TMEM161B: variants seen among roughly 807,000 people sequenced by gnomAD.
TMEM161B encodes transmembrane protein 161B.
In TMEM161B, 34 loss-of-function variants were observed where a neutral mutation model predicts 61.8. That is an observed-to-expected ratio of 0.55 (90% confidence interval 0.42 to 0.73). TMEM161B has a LOEUF of 0.73. TMEM161B is among the 30% of genes least tolerant of loss of function. The pLI is 0.00. For missense variants in TMEM161B, 456 were observed against 558.5 expected, an observed-to-expected ratio of 0.82 and a Z score of 1.85; for synonymous variants, 167 against 192.8, an observed-to-expected ratio of 0.87 and a Z score of 1.11.
At chr5:88,217,878 C>A (rs1748187922) in intron 5 of TMEM161B, among the ~76,000 whole-genome samples, 1 of 142,636 alleles carries the variant, frequency 7.0e-6, no homozygotes. Flanking sequence ...CAAACACAAG[C>A]AACTCAGAGT....
chr5:88,208,406 C>T (rs879290910), intron 5 of TMEM161B, among the ~76,000 whole-genome samples: 2 of 151,822 alleles, frequency 1.3e-5, no homozygotes, highest in Admixed American at 6.6e-5. Context: ...GGCGTGAACC[C>T]GGGAGGCGGA....
intron 5 of TMEM161B, among the ~76,000 whole-genome samples, chr5:88,219,282 C>T (rs945761711): frequency 6.6e-6 from 1 of 152,122 alleles, no homozygotes; most frequent in African/African-American, 2.4e-5. Flanking sequence ...TAACTGCCAG[C>T]CCAAAGATAC....
At chr5:88,242,188 T>C (rs1290657978) in intron 1 of TMEM161B, among the ~76,000 whole-genome samples, 1 of 151,728 alleles carries the variant, frequency 6.6e-6, no homozygotes, top group Admixed American at 6.6e-5. Flanking sequence ...TCAAGACTTG[T>C]TCTCACTGTT....
chr5:88,215,253 C>G (rs1355137097), intron 5 of TMEM161B, among the ~76,000 whole-genome samples: 1 of 152,066 alleles, frequency 6.6e-6, no homozygotes, highest in Non-Finnish European at 1.5e-5. Context: ...AATGCAGACA[C>G]GTGTTTGACT....
At chr5:88,266,372 G>A (rs140554292) in intron 1 of TMEM161B, among the ~76,000 whole-genome samples, 1,970 of 152,178 alleles carry the variant, frequency 0.013, 39 homozygotes, top group Middle Eastern at 0.027. Context: ...ATGAAAAAGA[G>A]AATGATAAAA....
intron 2 of TMEM161B, among the ~76,000 whole-genome samples, chr5:88,236,224 G>A (rs1447647062): frequency 6.6e-6 from 1 of 152,078 alleles, no homozygotes; most frequent in Admixed American, 6.6e-5. Flanking sequence ...TTCAGTGAGG[G>A]ACTTATGAAG....
chr5:88,259,859 G>T (rs556038837), intron 1 of TMEM161B, among the ~76,000 whole-genome samples: 78 of 152,230 alleles, frequency 5.1e-4, no homozygotes, highest in Non-Finnish European at 1.0e-3. Flanking sequence ...ACACTAGATT[G>T]AACTTGTGAA....
intron 2 of TMEM161B, among the ~76,000 whole-genome samples, chr5:88,230,051 G>C (rs956485338): frequency 3.3e-5 from 5 of 151,966 alleles, no homozygotes; most frequent in African/African-American, 1.2e-4. Flanking sequence ...AACTAGCCAG[G>C]TCTGGTGGCA....
chr5:88,227,128 C>T (rs1275508071), intron 3 of TMEM161B, among the ~76,000 whole-genome samples: 1 of 152,112 alleles, frequency 6.6e-6, no homozygotes, highest in Non-Finnish European at 1.5e-5. Context: ...AGGTTGAAGC[C>T]ACAGTGAGCC....
chr5:88,264,344 T>C (rs1197304607), intron 1 of TMEM161B, among the ~76,000 whole-genome samples: 6 of 152,096 alleles, frequency 3.9e-5, no homozygotes, highest in Non-Finnish European at 5.9e-5. Flanking sequence ...CTCATCGTCA[T>C]TGGTCATTAG....
Position 88,195,742 on chromosome 5 carries a change from A to G in TMEM161B, c.*469T>C, listed in dbSNP as rs981583572. 2 of 987,030 alleles carry G rather than the reference A, an allele frequency of 2.0e-6. No individual in the cohort carries two copies. The highest frequency in any genetic ancestry group is 3.5e-5 in the African/African-American group (2 of 57,238). The allele number at this position is 987,030 out of a possible 1,614,324, so 61.1% of individuals were successfully genotyped here. A position where few individuals can be genotyped will look rare whatever the true frequency, so the allele number is the denominator to read the frequency against. ...GTTGGATTTTATTGTTTCAAGAGTA[A>G]CTAATAAATTACCAACAGAAGAGAC... On this transcript the variant is annotated 3_prime_UTR_variant, in exon 12 of 12. Coordinates refer to ENST00000296595, the MANE Select transcript of TMEM161B (RefSeq NM_153354.5).
At chr5:88,194,174 G>A (rs1749275649), downstream of TMEM161B, among the ~76,000 whole-genome samples, 1 of 152,006 alleles carries the variant, frequency 6.6e-6, no homozygotes, top group Admixed American at 6.6e-5. Flanking sequence ...AATCCCTAGT[G>A]TCTACTGTTT....
intron 2 of TMEM161B, among the ~76,000 whole-genome samples, chr5:88,232,820 C>T (rs1298132169): frequency 3.9e-5 from 6 of 152,180 alleles, no homozygotes; most frequent in Admixed American, 6.5e-5. Context: ...ATGATCTGCC[C>T]GCCTTGGCTT....
At chr5:88,190,970 A>C (rs115512170), downstream of TMEM161B, among the ~76,000 whole-genome samples, 6,306 of 152,258 alleles carry the variant, frequency 0.041, 224 homozygotes, top group South Asian at 0.085. Context: ...TTTTAACCTC[A>C]TTTATCCTTT....
At chr5:88,250,173 G>GAGAGAGAGAA (rs531008944) in intron 1 of TMEM161B, among the ~76,000 whole-genome samples, 5 of 151,902 alleles carry the variant, frequency 3.3e-5, no homozygotes, top group African/African-American at 1.2e-4. Context: ...AGTTTGCACA[G>GAGAGAGAGAA]AGAGAGAGAA....
chr5:88,217,432 T>C (rs1055360758), intron 5 of TMEM161B, among the ~76,000 whole-genome samples: 19 of 152,058 alleles, frequency 1.2e-4, no homozygotes, highest in African/African-American at 4.3e-4. Flanking sequence ...GGAACCTCAA[T>C]TGGACAGCTG....
intron 1 of TMEM161B, among the ~76,000 whole-genome samples, chr5:88,261,972 T>C (rs1227209952): frequency 6.6e-6 from 1 of 152,018 alleles, no homozygotes; most frequent in East Asian, 1.9e-4. Context: ...AAAGACAATG[T>C]CAAGGAAATG....
chr5:88,222,230 G>A (rs946206693), intron 4 of TMEM161B, among the ~76,000 whole-genome samples: 1 of 151,972 alleles, frequency 6.6e-6, no homozygotes, highest in South Asian at 2.1e-4. Context: ...CACCACACTC[G>A]GGTAATTTTT....
chr5:88,191,801 C>T (rs192848142), downstream of TMEM161B, among the ~76,000 whole-genome samples: 629 of 150,384 alleles, frequency 4.2e-3, 2 homozygotes, highest in African/African-American at 0.015. Flanking sequence ...ATTAAAAATA[C>T]GAAAAATTAG....
Sources: allele counts gnomAD v4.1 joint callset (sites outside exome capture counted in the v4.1 genomes callset), GRCh38; gene constraint gnomAD v4.1.1; transcripts MANE v1.5; gene names NCBI Gene and HGNC (gene_info 2026-07-23, HGNC 2026-07-21).